The following GSG1L variants were observed in gnomAD, a reference collection of about 807,000 sequenced individuals.
GSG1L encodes GSG1 like.
In GSG1L, 24 loss-of-function variants were observed where a neutral mutation model predicts 42.1. The ratio of observed to expected loss-of-function variants is 0.57; its 90% CI spans 0.41 to 0.80. GSG1L has a LOEUF of 0.80. GSG1L is among the 30% of genes least tolerant of loss of function. GSG1L has a pLI of 0.00. For synonymous variants in GSG1L, 215 were observed against 203.5 expected (o/e 1.06, Z -0.48); for missense variants, 445 against 472.2 (o/e 0.94, Z 0.53).
intron 2 of GSG1L, among the ~76,000 whole-genome samples, chr16:27,936,074 AC>A (rs2084713170): frequency 6.6e-6 from 1 of 151,074 alleles, no homozygotes; most frequent in South Asian, 2.1e-4. Context: ...CCAGACCTTC[AC>A]CCAGCCTGCC....
At chr16:27,947,585 GAAAGAAAGAAAGAA>G (rs1317844315) in intron 2 of GSG1L, among the ~76,000 whole-genome samples, 2,136 of 104,316 alleles carry the variant, frequency 0.02, 39 homozygotes, top group Middle Eastern at 0.042. Flanking sequence ...AAGAAAGAAA[GAAAGAAAGAAAGAA>G]AAAGAAAGAA....
chr16:28,047,546 T>C (rs989672434), intron 1 of GSG1L, among the ~76,000 whole-genome samples: 7 of 152,192 alleles, frequency 4.6e-5, no homozygotes, highest in African/African-American at 1.7e-4. Flanking sequence ...TAACTCTATG[T>C]TCTTACCAGA....
intron 1 of GSG1L, among the ~76,000 whole-genome samples, chr16:27,982,786 C>T (rs2085339083): frequency 6.6e-6 from 1 of 152,106 alleles, no homozygotes; most frequent in Non-Finnish European, 1.5e-5. Context: ...AGGAGAGGAC[C>T]TTCCAGTTTC....
At chr16:27,839,932 G>C (rs191632237) in intron 4 of GSG1L, among the ~76,000 whole-genome samples, 12 of 152,344 alleles carry the variant, frequency 7.9e-5, no homozygotes, top group African/African-American at 2.9e-4. Flanking sequence ...AAGGGGGATG[G>C]CAGCCCCTCT....
chr16:27,819,809 C>T (rs766289850), intron 5 of GSG1L, among the ~76,000 whole-genome samples: 33 of 152,094 alleles, frequency 2.2e-4, no homozygotes, highest in East Asian at 5.8e-4. Context: ...ACCCTGATGA[C>T]GTTAGCATAT....
At chr16:27,921,948 T>C (rs2084529216) in intron 2 of GSG1L, among the ~76,000 whole-genome samples, 3 of 152,042 alleles carry the variant, frequency 2.0e-5, no homozygotes, top group Non-Finnish European at 4.4e-5. Context: ...GGTTGCTTTT[T>C]CTTTTTCTTT....
At chr16:27,877,338 C>T (rs1263773289) in intron 3 of GSG1L, among the ~76,000 whole-genome samples, 1 of 152,108 alleles carries the variant, frequency 6.6e-6, no homozygotes, top group African/African-American at 2.4e-5. Context: ...CCATCGTAGA[C>T]CTGTTCCTCC....
chr16:27,902,553 C>G (rs1182756836), intron 2 of GSG1L, among the ~76,000 whole-genome samples: 9 of 151,306 alleles, frequency 5.9e-5, no homozygotes, highest in African/African-American at 2.2e-4. Flanking sequence ...AGCTTCAGAG[C>G]AAGGGGAGGG....
intron 1 of GSG1L, among the ~76,000 whole-genome samples, chr16:27,969,014 C>T (rs372620036): frequency 5.3e-5 from 8 of 152,216 alleles, no homozygotes; most frequent in Admixed American, 2.0e-4. Context: ...GAGGCTGAGG[C>T]AGGAGGACCA....
intron 1 of GSG1L, among the ~76,000 whole-genome samples, chr16:28,043,911 A>G (rs560723083): frequency 2.0e-5 from 3 of 149,872 alleles, no homozygotes; most frequent in Admixed American, 1.3e-4. Context: ...AGTCCCAGCT[A>G]CTCAGGAGGC....
chr16:27,988,446 A>G (rs1317410680), intron 1 of GSG1L, among the ~76,000 whole-genome samples: 1 of 152,006 alleles, frequency 6.6e-6, no homozygotes, highest in African/African-American at 2.4e-5. Context: ...AGGTTATTTA[A>G]AGGTTGATTC....
intron 3 of GSG1L, among the ~76,000 whole-genome samples, chr16:27,852,721 C>A (rs2083529331): frequency 6.6e-6 from 1 of 152,146 alleles, no homozygotes; most frequent in Admixed American, 6.5e-5. Context: ...GGACTTTATC[C>A]TGAGGACCCG....
intron 3 of GSG1L, among the ~76,000 whole-genome samples, chr16:27,864,841 C>G (rs530325034): frequency 6.6e-6 from 1 of 152,170 alleles, no homozygotes; most frequent in Non-Finnish European, 1.5e-5. Context: ...CATTCTGGCC[C>G]GCAGGAAGGA....
rs142480478 is a variant in GSG1L at position 28,044,159 on chromosome 16, C to G, written c.349+18917G>C. 4.0e-3 allele frequency among the ~76,000 whole-genome samples: 613 copies of G among 152,202 alleles called. 6 individuals carry two copies. The highest frequency in any genetic ancestry group is 0.014 in the African/African-American group (582 of 41,504). ...TGGGAGGTCGAGGCAGGTGGACTGC[C>G]TGAGCTCAGGAGTTCCAGACCAGCC... On this transcript the variant is annotated intron_variant, in intron 1 of 6. Coordinates refer to ENST00000447459, the MANE Select transcript of GSG1L (RefSeq NM_001109763.2).
intron 3 of GSG1L, among the ~76,000 whole-genome samples, chr16:27,866,032 CTG>C (rs1206725236): frequency 6.6e-6 from 1 of 152,040 alleles, no homozygotes; most frequent in African/African-American, 2.4e-5. Flanking sequence ...TTCTCTCTCT[CTG>C]TGTCTCTCTC....
Position 27,884,465 on chromosome 16 carries a change from A to G in GSG1L, c.550+21T>C, listed in dbSNP as rs750748259. ...TTTCTCGCCTGTGCTCTGAGAGGCC[A>G]CAGGACCAGCCATGCCTTACCTGAG... On this transcript the variant is annotated intron_variant, in intron 3 of 6. Coordinates refer to ENST00000447459, the MANE Select transcript of GSG1L (RefSeq NM_001109763.2). This position sits in a 1 kb window ranked among gnomAD's most constrained non-coding sequence, Gnocchi z 4.4. 6.2e-7 allele frequency: 1 copy of G among 1,607,762 alleles called. No homozygotes were observed. The highest frequency in any genetic ancestry group is 8.5e-7 in the Non-Finnish European group (1 of 1,176,056).
At chr16:28,028,305 A>G (rs1227000890) in intron 1 of GSG1L, among the ~76,000 whole-genome samples, 1 of 152,132 alleles carries the variant, frequency 6.6e-6, no homozygotes, top group South Asian at 2.1e-4. Flanking sequence ...ATAATCCCTC[A>G]TGTTGACTAT....
intron 1 of GSG1L, among the ~76,000 whole-genome samples, chr16:28,027,606 C>A (rs1044346125): frequency 6.6e-6 from 1 of 152,112 alleles, no homozygotes; most frequent in Non-Finnish European, 1.5e-5. Flanking sequence ...AATCAAAGAG[C>A]ATTTGGTGAT....
chr16:27,888,456 CTTTCTTTCTCTCTCTCTCTCTCT>C (rs2084064043), intron 2 of GSG1L, among the ~76,000 whole-genome samples: 1 of 18,342 alleles, frequency 5.5e-5, no homozygotes, highest in Non-Finnish European at 1.9e-4. Context: ...TTCTTTCTTT[CTTTCTTTCTCTCTCTCTCTCTCT>C]TTCCTTTCTT....
Sources: gnomAD v4.1 joint callset for allele counts (sites outside exome capture counted in the v4.1 genomes callset) on GRCh38, gnomAD v4.1.1 for gene constraint, Gnocchi (gnomAD v3.1) non-coding constraint, MANE v1.5 for transcripts, NCBI Gene and HGNC (gene_info 2026-07-23, HGNC 2026-07-21) for gene names.